ITPKB: variants seen among roughly 807,000 people sequenced by gnomAD.
The protein encoded by ITPKB is IP3 3-kinase B.
In ITPKB, 13 loss-of-function variants were observed where a neutral mutation model predicts 69.4. The ratio of observed to expected loss-of-function variants is 0.19; its 90% CI spans 0.12 to 0.30. The LOEUF is 0.30. Among genes scored for constraint, ITPKB ranks in the 10% least tolerant of loss-of-function variants. ITPKB has a pLI of 1.00. For synonymous variants in ITPKB, 584 were observed against 513.7 expected (o/e 1.14, Z -1.85); for missense variants, 1,240 against 1,250.5 (o/e 0.99, Z 0.13).
rs1668770839 is a variant in ITPKB, at chr1:226,633,765, T to C, written c.*906A>G. On this transcript the variant is annotated 3_prime_UTR_variant, in exon 8 of 8. Transcript: ENST00000429204. ...CTGGGCCCCATGACAGGAGCCCATG[T>C]ATGCAGGCAGGGTTGACCAACTAGC... is the stretch of plus-strand genomic sequence containing the variant. The C allele has an allele frequency of 6.6e-6, 1 of 152,226 alleles. No homozygotes were observed. The highest frequency in any genetic ancestry group is 1.5e-5 in the Non-Finnish European group (1 of 68,040). 9.4% of individuals were successfully genotyped at this position (152,226 alleles called of 1,614,324 possible).
chr1:226,711,160 T>C (rs774309532), intron 2 of ITPKB, among the ~76,000 whole-genome samples: 25 of 143,846 alleles, frequency 1.7e-4, no homozygotes, highest in Non-Finnish European at 7.4e-5. Flanking sequence ...GCTCAGTCAA[T>C]TGGGTGCTCA....
chr1:226,723,974 T>C (rs1208339597), intron 2 of ITPKB, among the ~76,000 whole-genome samples: 1 of 152,174 alleles, frequency 6.6e-6, no homozygotes, highest in Non-Finnish European at 1.5e-5. Flanking sequence ...ACAACGTGAC[T>C]CGAGCCAATT....
At chr1:226,658,473 G>C (rs1256876066) in intron 2 of ITPKB, among the ~76,000 whole-genome samples, 1 of 152,212 alleles carries the variant, frequency 6.6e-6, no homozygotes, top group African/African-American at 2.4e-5. Flanking sequence ...AAGACACCAA[G>C]GATCGGAAAA....
chr1:226,645,397 C>T (rs982247300), intron 4 of ITPKB, among the ~76,000 whole-genome samples: 5 of 152,194 alleles, frequency 3.3e-5, no homozygotes, highest in Admixed American at 6.5e-5. Context: ...CTGCGGAAGT[C>T]AAGCGGCTGG....
At chr1:226,661,230 G>C (rs1200880923) in intron 2 of ITPKB, among the ~76,000 whole-genome samples, 1 of 152,220 alleles carries the variant, frequency 6.6e-6, no homozygotes, top group African/African-American at 2.4e-5. Flanking sequence ...GAGAGGTAAG[G>C]CAGGGCAGGA....
intron 2 of ITPKB, among the ~76,000 whole-genome samples, chr1:226,714,234 T>C (rs1446259363): frequency 6.6e-6 from 1 of 152,228 alleles, no homozygotes; most frequent in Non-Finnish European, 1.5e-5. Flanking sequence ...TAAGTGTTGC[T>C]TGTCTGGAAT....
chr1:226,735,839 A>G lies in ITPKB; in HGVS notation c.1620T>C (p.Asp540=). The G allele has an allele frequency of 1.2e-6, 2 of 1,608,190 alleles. No homozygotes were observed. The highest frequency in any genetic ancestry group is 1.7e-6 in the Non-Finnish European group (2 of 1,175,430). ...GTWESQRQDS[D]ALPSPELLPQ... is the part of the protein sequence containing the mutation. ...GTAGCAGCTCCGGACTTGGGAGGGC[A>G]TCACTGTCCTGCCGCTGGCTTTCCC... Residue 540 remains aspartate, a synonymous_variant, in exon 2 of 8, where the codon GAT becomes GAC. Coordinates refer to ENST00000429204, the MANE Select transcript of ITPKB (RefSeq NM_002221.4).
Position 226,736,027 on chromosome 1 carries a change from G to C in ITPKB, c.1432C>G (p.Pro478Ala), listed in dbSNP as rs752350855. 7.4e-6 allele frequency: 12 copies of C among 1,613,566 alleles called. No individual in the cohort carries two copies. The highest frequency in any genetic ancestry group is 4.5e-5 in the East Asian group (2 of 44,876). ...TTCGCAGCGTCCCAACAGGGCAAAG[G>C]CTCCAGCATTCTGCCAGAAGGAATT... is the stretch of plus-strand genomic sequence containing the variant. ...AGIPSGRMLE[P>A]LPCWDAAKDL... Residue 478 changes from proline to alanine, a missense_variant, in exon 2 of 8, where the codon CCT becomes GCT. This residue lies in a region of ITPKB where 992 missense variants were observed against 853.8 expected (regional missense o/e 1.16). Coordinates refer to ENST00000429204, the MANE Select transcript of ITPKB (RefSeq NM_002221.4).
intron 2 of ITPKB, among the ~76,000 whole-genome samples, chr1:226,660,547 A>T (rs1324863029): frequency 6.6e-6 from 1 of 152,180 alleles, no homozygotes; most frequent in Non-Finnish European, 1.5e-5. Flanking sequence ...TCTCTCCTGG[A>T]TTCCATCCTC....
At chr1:226,701,980 C>T (rs5020835) in intron 2 of ITPKB, among the ~76,000 whole-genome samples, 2 of 152,104 alleles carry the variant, frequency 1.3e-5, no homozygotes, top group African/African-American at 4.8e-5. Context: ...CATGCACACA[C>T]AGAGAGGGAA....
At chr1:226,676,517 G>A (rs1669738569) in intron 2 of ITPKB, among the ~76,000 whole-genome samples, 1 of 152,150 alleles carries the variant, frequency 6.6e-6, no homozygotes, top group Non-Finnish European at 1.5e-5. Flanking sequence ...TAAAAACCTT[G>A]GCTTCCTCAT....
chr1:226,708,503 A>G (rs574954898), intron 2 of ITPKB, among the ~76,000 whole-genome samples: 2 of 152,288 alleles, frequency 1.3e-5, no homozygotes, highest in East Asian at 3.9e-4. Context: ...GACACAGGGG[A>G]TATCTGCTGG....
Position 226,643,976 on chromosome 1 carries a change from T to C in ITPKB, c.2247-1851A>G, listed in dbSNP as rs1669014101. On this transcript the variant is annotated intron_variant, in intron 4 of 7. Transcript: ENST00000429204. ...GAGGCAGGGGCTGCGTGTGCATCCA[T>C]GTGTGTACTGTGTAGAAAAGGGGCA... is the stretch of plus-strand genomic sequence containing the variant. 2.0e-5 allele frequency among the ~76,000 whole-genome samples: 3 copies of C among 152,198 alleles called. No individual in the cohort carries two copies. In the South Asian group the frequency reaches 6.2e-4, roughly 32 times the overall value.
intron 2 of ITPKB, among the ~76,000 whole-genome samples, chr1:226,711,424 AGAGAGAGAGAGAGAGAGAGT>A (rs1401746213): frequency 8.1e-6 from 1 of 123,304 alleles, no homozygotes; most frequent in African/African-American, 3.0e-5. Flanking sequence ...AGAGAGAGAG[AGAGAGAGAGAGAGAGAGAGT>A]GTGTGTGTGT....
intron 2 of ITPKB, among the ~76,000 whole-genome samples, chr1:226,728,049 C>T (rs1343946620): frequency 1.3e-5 from 2 of 152,140 alleles, no homozygotes; most frequent in Non-Finnish European, 2.9e-5. Flanking sequence ...CCCCAGGTTA[C>T]GTGAGATGTT....
intron 2 of ITPKB, among the ~76,000 whole-genome samples, chr1:226,726,948 GTAGT>G (rs1657437812): frequency 6.6e-6 from 1 of 152,124 alleles, no homozygotes; most frequent in African/African-American, 2.4e-5. Context: ...CTACTGGCAG[GTAGT>G]TAGATTTTCC....
intron 2 of ITPKB, among the ~76,000 whole-genome samples, chr1:226,664,942 A>C (rs920821694): frequency 6.6e-6 from 1 of 152,206 alleles, no homozygotes; most frequent in Non-Finnish European, 1.5e-5. Context: ...TTAACAGGAT[A>C]GCCAGCCAGC....
chr1:226,637,226 C>T lies in ITPKB; in HGVS notation c.2625+453G>A, dbSNP rs960452032. Among the ~76,000 whole-genome samples the T allele has an allele frequency of 1.1e-4, 16 of 152,188 alleles. No homozygotes were observed. Among genetic ancestry groups the T allele is most frequent in the Non-Finnish European group, 1.8e-4 (12 of 68,038 alleles). On this transcript the variant is annotated intron_variant, in intron 7 of 7. Transcript: ENST00000429204. This position sits in a 1 kb window ranked among gnomAD's most constrained non-coding sequence, Gnocchi z 4.3. Reference sequence around the variant, plus strand: ...CCTGCTGCCTGCTGCCCCTGCCAACCAACGTATGCAAAGTTGGGAGATTCC... The same window carrying T: ...CCTGCTGCCTGCTGCCCCTGCCAACTAACGTATGCAAAGTTGGGAGATTCC...
At chr1:226,663,244 C>G (rs1223688447) in intron 2 of ITPKB, among the ~76,000 whole-genome samples, 1 of 152,186 alleles carries the variant, frequency 6.6e-6, no homozygotes, top group African/African-American at 2.4e-5. Context: ...TTAGCACTTT[C>G]CCCACGTGAC....
Sources: allele counts gnomAD v4.1 joint callset (sites outside exome capture counted in the v4.1 genomes callset), GRCh38; gene constraint gnomAD v4.1.1; regional missense constraint gnomAD v4.1.1; non-coding constraint Gnocchi (gnomAD v3.1); transcripts MANE v1.5; gene names NCBI Gene and HGNC (gene_info 2026-07-23, HGNC 2026-07-21).